ASCC1: variants seen among roughly 807,000 people sequenced by gnomAD.
ASCC1 encodes ASC-1 complex subunit P50.
ASCC1 carries 35 observed loss-of-function variants against 46.6 expected under a neutral mutation model. The ratio of observed to expected loss-of-function variants is 0.75; its 90% CI spans 0.57 to 0.99. The LOEUF (loss-of-function observed/expected upper bound fraction) is 0.99, where lower values mean the gene tolerates loss of function less well. ASCC1 is among the 50% of genes least tolerant of loss of function. ASCC1 has a pLI of 0.00. For synonymous variants in ASCC1, 143 were observed against 146.6 expected (o/e 0.98, Z 0.18); for missense variants, 376 against 428.7 (o/e 0.88, Z 1.09).
intron 9 of ASCC1, among the ~76,000 whole-genome samples, chr10:72,111,134 AAGAG>A (rs1227026850): frequency 6.6e-6 from 1 of 152,136 alleles, no homozygotes; most frequent in Non-Finnish European, 1.5e-5. Context: ...AATGCTTTGG[AAGAG>A]AGAGAGGGTT....
Position 72,196,803 on chromosome 10 carries a change from G to C in ASCC1, c.489+8C>G, listed in dbSNP as rs1236549370. 1 of 1,611,204 alleles carries C rather than the reference G, an allele frequency of 6.2e-7. No homozygotes were observed. The highest frequency in any genetic ancestry group is 8.5e-7 in the Non-Finnish European group (1 of 1,179,252). ...TTTTTTTAACCTTCTTGCTTTGTTT[G>C]CACTTACCATGGAGCACTTCGCCAG... On this transcript the variant is annotated splice_region_variant and intron_variant, in intron 5 of 9. Transcript: ENST00000672957.
intron 5 of ASCC1, among the ~76,000 whole-genome samples, chr10:72,174,220 A>G (rs1206908679): frequency 6.6e-6 from 1 of 152,194 alleles, no homozygotes; most frequent in East Asian, 1.9e-4. Context: ...ACTGCAGCTC[A>G]TGATTTACCA....
chr10:72,213,601 T>TAA (rs762289534), intron 1 of ASCC1, among the ~76,000 whole-genome samples: 240 of 128,382 alleles, frequency 1.9e-3, no homozygotes, highest in African/African-American at 6.5e-3. Context: ...CATACACTCT[T>TAA]AAAAAAAAAA....
At chr10:72,166,501 C>CA (rs769084089) in intron 5 of ASCC1, among the ~76,000 whole-genome samples, 53,299 of 113,172 alleles carry the variant, frequency 0.47, 11,052 homozygotes, top group Non-Finnish European at 0.54. Context: ...TTTTTCTCTA[C>CA]AAAAAAAAAA....
chr10:72,096,792 G>C lies in ASCC1; in HGVS notation c.*542C>G, dbSNP rs1448957020. 4 of 454,130 alleles carry C rather than the reference G, an allele frequency of 8.8e-6. No individual in the cohort carries two copies. Among genetic ancestry groups the C allele is most frequent in the Non-Finnish European group, 1.8e-5 (4 of 226,804 alleles). 28.1% of individuals were successfully genotyped at this position (454,130 alleles called of 1,614,324 possible). On this transcript the variant is annotated 3_prime_UTR_variant, in exon 10 of 10. Transcript: ENST00000672957. Reference sequence around the variant, plus strand: ...ATGAACCTTGAGGACATTATGCTAAGTGAAATAAGCCAGTCACAAAAAGAC... The same window carrying C: ...ATGAACCTTGAGGACATTATGCTAACTGAAATAAGCCAGTCACAAAAAGAC...
chr10:72,175,162 T>C (rs1265445619), intron 5 of ASCC1, among the ~76,000 whole-genome samples: 4 of 152,238 alleles, frequency 2.6e-5, no homozygotes, highest in Non-Finnish European at 5.9e-5. Context: ...GTTCAAATTC[T>C]GCCACCTATC....
chr10:72,209,231 C>A (rs1857683817), intron 3 of ASCC1, among the ~76,000 whole-genome samples: 1 of 151,624 alleles, frequency 6.6e-6, no homozygotes, highest in South Asian at 2.1e-4. Flanking sequence ...AGTGGCTCAT[C>A]CCAACACTTT....
At chr10:72,149,641 GATTC>G (rs1848093634) in intron 7 of ASCC1, among the ~76,000 whole-genome samples, 1 of 152,186 alleles carries the variant, frequency 6.6e-6, no homozygotes, top group South Asian at 2.1e-4. Flanking sequence ...CATCTTAGAT[GATTC>G]ATTGTTTCTG....
In ASCC1 at chr10:72,147,391, T is replaced by A. The variant is rs192278351; in HGVS notation, c.746+5478A>T. ...GCCTCAGCCTCCCGAGCAGCTGCGT[T>A]ACAGGCATGAGCCACCACACCCAGC... On this transcript the variant is annotated intron_variant, in intron 7 of 9. Coordinates refer to ENST00000672957, the MANE Select transcript of ASCC1 (RefSeq NM_001198800.3). Among the ~76,000 whole-genome samples the A allele has an allele frequency of 8.9e-4, 136 of 152,214 alleles. 2 individuals carry two copies. Among genetic ancestry groups the A allele is most frequent in the African/African-American group, 3.2e-3 (132 of 41,526 alleles).
chr10:72,096,985 G>A lies in ASCC1; in HGVS notation c.*349C>T, dbSNP rs540296671. On this transcript the variant is annotated 3_prime_UTR_variant, in exon 10 of 10. Transcript: ENST00000672957. ...GCCTATGGAGATGGACGGCGGTGAC[G>A]GCCACACAGCATTATGAATGTATTA... 3.3e-5 allele frequency: 15 copies of A among 455,572 alleles called. No homozygotes were observed. The highest frequency in any genetic ancestry group is 1.9e-4 in the South Asian group (12 of 64,486). 28.2% of individuals were successfully genotyped at this position (455,572 alleles called of 1,614,324 possible). A position where few individuals can be genotyped will look rare whatever the true frequency, so the allele number is the denominator to read the frequency against.
intron 7 of ASCC1, among the ~76,000 whole-genome samples, chr10:72,139,969 G>C (rs573142607): frequency 6.6e-6 from 1 of 152,290 alleles, no homozygotes; most frequent in South Asian, 2.1e-4. Flanking sequence ...AAGCAATACA[G>C]AGTGTTTCGG....
At chr10:72,215,835 T>C (rs12218638) in intron 1 of ASCC1, 4,565 of 152,358 alleles carry the variant, frequency 0.03, 86 homozygotes, top group East Asian at 0.06. Context: ...TTCTGCAATA[T>C]CGTGAGGGAA....
Position 72,205,775 on chromosome 10 carries a change from G to A in ASCC1, c.213-2251C>T, listed in dbSNP as rs564121121. Among the ~76,000 whole-genome samples, 13 of 152,088 alleles carry A rather than the reference G, an allele frequency of 8.5e-5. No homozygotes were observed. The East Asian group carries it at 1.9e-3, about 23-fold the overall frequency. ...CGCACCACTGCATTCCAGCCTGGGC[G>A]ACAGAGGGAGACTCCGTCTCAAAAA... On this transcript the variant is annotated intron_variant, in intron 3 of 9. Transcript: ENST00000672957.
At chr10:72,149,559 C>CA (rs1443475119) in intron 7 of ASCC1, among the ~76,000 whole-genome samples, 8 of 144,996 alleles carry the variant, frequency 5.5e-5, no homozygotes, top group African/African-American at 2.0e-4. Context: ...TCATGTAAAA[C>CA]AAAAACTCTT....
At chr10:72,158,212 A>G (rs1849219261) in intron 6 of ASCC1, among the ~76,000 whole-genome samples, 2 of 152,256 alleles carry the variant, frequency 1.3e-5, no homozygotes, top group Non-Finnish European at 2.9e-5. Context: ...CTTAGTGGCC[A>G]AACAATTACA....
intron 3 of ASCC1, among the ~76,000 whole-genome samples, chr10:72,207,779 G>A (rs1373520748): frequency 6.6e-6 from 1 of 151,614 alleles, no homozygotes; most frequent in Non-Finnish European, 1.5e-5. Context: ...ATCCAAATAA[G>A]CCTACAGAAA....
At chr10:72,204,410 T>G in intron 3 of ASCC1, 1 of 1,550,416 alleles carries the variant, frequency 6.4e-7, no homozygotes, top group South Asian at 1.2e-5. Flanking sequence ...TTGACTCATT[T>G]ACATTACTTG....
At chr10:72,124,023 T>G (rs1844544387) in intron 9 of ASCC1, among the ~76,000 whole-genome samples, 1 of 152,220 alleles carries the variant, frequency 6.6e-6, no homozygotes, top group Non-Finnish European at 1.5e-5. Flanking sequence ...AAAGATCTCA[T>G]TGAAATTTAT....
intron 9 of ASCC1, among the ~76,000 whole-genome samples, chr10:72,098,230 A>G (rs151003108): frequency 6.6e-5 from 10 of 152,368 alleles, no homozygotes; most frequent in African/African-American, 2.2e-4. Context: ...CCAAAATGAC[A>G]TCAGAATTCA....
Sources: gnomAD v4.1 joint callset for allele counts (sites outside exome capture counted in the v4.1 genomes callset) on GRCh38, gnomAD v4.1.1 for gene constraint, MANE v1.5 for transcripts, NCBI Gene and HGNC (gene_info 2026-07-23, HGNC 2026-07-21) for gene names.